Variants in DPP10 observed in about 807,000 individuals in gnomAD.
The protein encoded by DPP10 is dipeptidyl peptidase like 10, also known as inactive dipeptidyl peptidase 10.
Under a neutral mutation model 120.9 loss-of-function variants are expected in DPP10, and 33 were observed. That is an observed-to-expected ratio of 0.27 (90% confidence interval 0.21 to 0.37). The LOEUF is 0.37. Ranked by LOEUF, DPP10 falls within the 10% of genes least tolerant of loss-of-function variation. DPP10 has a pLI of 1.00. For synonymous variants in DPP10, 337 were observed against 326.1 expected (o/e 1.03, Z -0.36); for missense variants, 816 against 942.8 (o/e 0.87, Z 1.76).
chr2:115,420,901 A>G (rs928381659), intron 3 of DPP10, among the ~76,000 whole-genome samples: 1 of 152,226 alleles, frequency 6.6e-6, no homozygotes, highest in African/African-American at 2.4e-5. Flanking sequence ...TGACTAAGAA[A>G]TAACTCAGAA....
At chr2:115,281,198 A>T (rs1477796965) in intron 1 of DPP10, among the ~76,000 whole-genome samples, 10 of 152,200 alleles carry the variant, frequency 6.6e-5, no homozygotes, top group Non-Finnish European at 1.3e-4. Context: ...AGAAATAGGT[A>T]CCTTAATGAG....
At chr2:114,943,074 G>C (rs560674490) in intron 1 of DPP10, among the ~76,000 whole-genome samples, 1 of 152,090 alleles carries the variant, frequency 6.6e-6, no homozygotes, top group Admixed American at 6.6e-5. Flanking sequence ...AGCAGGCCCA[G>C]GTGTGTGATG....
intron 5 of DPP10, among the ~76,000 whole-genome samples, chr2:115,680,529 A>G (rs2090578273): frequency 6.6e-6 from 1 of 151,954 alleles, no homozygotes; most frequent in Admixed American, 6.5e-5. Context: ...CTTGGGGAAT[A>G]AAAAACAAAA....
chr2:115,525,876 T>C, intron 4 of DPP10, 22 bp from the exon 5 acceptor site: 1 of 1,559,322 alleles, frequency 6.4e-7, no homozygotes, highest in Non-Finnish European at 8.7e-7. Flanking sequence ...TAAATATAAC[T>C]GGTTTTTTTT....
At chr2:115,007,224 C>A (rs1701918997) in intron 1 of DPP10, among the ~76,000 whole-genome samples, 1 of 152,150 alleles carries the variant, frequency 6.6e-6, no homozygotes, top group Non-Finnish European at 1.5e-5. Flanking sequence ...AGCTTATCCA[C>A]CATGATCAAG....
intron 4 of DPP10, among the ~76,000 whole-genome samples, chr2:115,512,628 G>T (rs1169754198): frequency 1.3e-5 from 2 of 151,490 alleles, no homozygotes; most frequent in Non-Finnish European, 2.9e-5. Flanking sequence ...TATTATTTCT[G>T]TTGTTATTTA....
chr2:115,139,014 A>C (rs2050786001), intron 1 of DPP10, among the ~76,000 whole-genome samples: 1 of 152,178 alleles, frequency 6.6e-6, no homozygotes, highest in South Asian at 2.1e-4. Flanking sequence ...GCTACATGTG[A>C]TGCATGCAGA....
At position 114,743,886 on chromosome 2, in the gene DPP10, A is replaced by T. The variant is rs562286057; in HGVS notation, c.60+301048A>T. Among the ~76,000 whole-genome samples the T allele has an allele frequency of 2.0e-3, 311 of 152,246 alleles. 2 individuals carry two copies. Among genetic ancestry groups the T allele is most frequent in the African/African-American group, 7.1e-3 (295 of 41,536 alleles). ...TTGGTGGTGGATGTGATCGGGTTCA[A>T]AAATAAATTGGGTTTTGGTCTTGTC... On this transcript the variant is annotated intron_variant, in intron 1 of 25. Transcript: ENST00000410059.
intron 19 of DPP10, among the ~76,000 whole-genome samples, chr2:115,804,905 C>G (rs549365653): frequency 0.018 from 2,767 of 152,290 alleles, 86 homozygotes; most frequent in African/African-American, 0.061. Context: ...GGCAGTCTGC[C>G]TGTTCTCAGA....
intron 1 of DPP10, among the ~76,000 whole-genome samples, chr2:115,277,104 G>C: frequency 6.6e-6 from 1 of 152,106 alleles, no homozygotes; most frequent in Admixed American, 6.5e-5. Flanking sequence ...TTATAACTTA[G>C]ATATTAAGAA....
At chr2:115,731,646 A>G (rs1241459805) in intron 8 of DPP10, among the ~76,000 whole-genome samples, 1 of 152,184 alleles carries the variant, frequency 6.6e-6, no homozygotes, top group Non-Finnish European at 1.5e-5. Context: ...TCCTAAAGCC[A>G]GGGCTTAGTC....
chr2:114,480,760 T>C (rs1457853884), intron 1 of DPP10, among the ~76,000 whole-genome samples: 1 of 151,194 alleles, frequency 6.6e-6, no homozygotes, highest in Non-Finnish European at 1.5e-5. Context: ...TAATGTTAAA[T>C]GACGAGTTAA....
At chr2:115,316,303 G>C (rs1220749158) in intron 2 of DPP10, among the ~76,000 whole-genome samples, 1 of 152,164 alleles carries the variant, frequency 6.6e-6, no homozygotes, top group Non-Finnish European at 1.5e-5. Flanking sequence ...TTTTAGCTTT[G>C]ACATGTGTCA....
intron 1 of DPP10, among the ~76,000 whole-genome samples, chr2:114,485,688 C>T (rs1681454526): frequency 6.6e-6 from 1 of 152,008 alleles, no homozygotes; most frequent in Non-Finnish European, 1.5e-5. Flanking sequence ...CTGGGCTCCT[C>T]TCTTCTTCAG....
chr2:115,077,662 C>T (rs564376923), intron 1 of DPP10, among the ~76,000 whole-genome samples: 2 of 152,330 alleles, frequency 1.3e-5, no homozygotes, highest in East Asian at 3.9e-4. Flanking sequence ...CCTTTAACTT[C>T]TTTTTCCTGA....
chr2:115,365,469 T>C (rs2106371692), intron 3 of DPP10, among the ~76,000 whole-genome samples: 2 of 152,066 alleles, frequency 1.3e-5, no homozygotes, highest in Non-Finnish European at 2.9e-5. Flanking sequence ...AGAAAATAAA[T>C]GCATTACTCA....
intron 1 of DPP10, among the ~76,000 whole-genome samples, chr2:114,850,936 A>C (rs944242061): frequency 1.3e-5 from 2 of 151,896 alleles, no homozygotes; most frequent in African/African-American, 4.8e-5. Context: ...AACCTTCTAG[A>C]TGCTGTTTTG....
At chr2:114,475,898 T>G (rs189912676) in intron 1 of DPP10, among the ~76,000 whole-genome samples, 57 of 152,250 alleles carry the variant, frequency 3.7e-4, no homozygotes, top group Admixed American at 1.5e-3. Flanking sequence ...TGGAGTGAAT[T>G]GATTTTGTTC....
intron 1 of DPP10, among the ~76,000 whole-genome samples, chr2:114,756,518 A>G (rs1206707276): frequency 6.6e-6 from 1 of 152,230 alleles, no homozygotes; most frequent in Non-Finnish European, 1.5e-5. Context: ...GAATGCTTCT[A>G]AAATAATGAA....
Sources: gnomAD v4.1 joint callset for allele counts (sites outside exome capture counted in the v4.1 genomes callset) on GRCh38, gnomAD v4.1.1 for gene constraint, MANE v1.5 for transcripts, NCBI Gene and HGNC (gene_info 2026-07-23, HGNC 2026-07-21) for gene names.